The following SPIRE1 variants were observed in gnomAD, a reference collection of about 807,000 sequenced individuals.
SPIRE1 encodes protein spire homolog 1.
In SPIRE1, 40 loss-of-function variants were observed where a neutral mutation model predicts 94.1. The ratio of observed to expected loss-of-function variants is 0.43; its 90% confidence interval spans 0.33 to 0.55. The LOEUF (loss-of-function observed/expected upper bound fraction) is 0.55, where lower values mean the gene tolerates loss of function less well. Ranked by LOEUF, SPIRE1 falls within the 20% of genes least tolerant of loss-of-function variation. SPIRE1 has a pLI of 0.06. For missense variants in SPIRE1, 838 were observed against 975.2 expected (o/e 0.86, Z 1.87); for synonymous variants, 376 against 371.7 (o/e 1.01, Z -0.13).
Position 12,621,134 on chromosome 18 carries a change from A to C in SPIRE1, c.372+13928T>G, listed in dbSNP as rs149133654. 3.9e-4 allele frequency among the ~76,000 whole-genome samples: 60 copies of C among 152,274 alleles called. No individual in the cohort carries two copies. The East Asian group carries it at 0.011, about 28-fold the overall frequency. On this transcript the variant is annotated intron_variant, in intron 2 of 16. Transcript: ENST00000409402. ...CAACAACCACATGAAAATAGGCTCAACATCATTAGCTACCAGGAAGATGTA... is the reference window on the plus strand; with the variant it reads ...CAACAACCACATGAAAATAGGCTCACCATCATTAGCTACCAGGAAGATGTA...
At chr18:12,492,156 G>T (rs1030225632) in intron 8 of SPIRE1, among the ~76,000 whole-genome samples, 6 of 152,084 alleles carry the variant, frequency 3.9e-5, no homozygotes, top group African/African-American at 1.4e-4. Flanking sequence ...CATGGAAGAG[G>T]GTATGGTTGC....
At chr18:12,504,099 G>T (rs2033752554) in intron 6 of SPIRE1, among the ~76,000 whole-genome samples, 2 of 147,502 alleles carry the variant, frequency 1.4e-5, no homozygotes, top group South Asian at 2.1e-4. Flanking sequence ...TTCCTCATCT[G>T]TAAAGTAAAT....
At chr18:12,460,116 C>T (rs918151267) in intron 12 of SPIRE1, among the ~76,000 whole-genome samples, 1 of 152,212 alleles carries the variant, frequency 6.6e-6, no homozygotes, top group Non-Finnish European at 1.5e-5. Flanking sequence ...GATGAAACCA[C>T]GAAGTCCTTC....
intron 8 of SPIRE1, among the ~76,000 whole-genome samples, chr18:12,491,068 A>G (rs1209867689): frequency 6.6e-6 from 1 of 152,098 alleles, no homozygotes; most frequent in African/African-American, 2.4e-5. Flanking sequence ...CAAAAAGACA[A>G]TCCCATTGAC....
Position 12,464,905 on chromosome 18 carries a change from A to G in SPIRE1, c.1458T>C (p.Pro486=). Residue 486 remains proline (P), a synonymous_variant, in exon 11 of 17, where the codon CCT becomes CCC. Coordinates refer to ENST00000409402, the MANE Select transcript of SPIRE1 (RefSeq NM_001128626.2). ...TSSSSVSPSF[P]EEPVLEAVST... is the part of the protein sequence containing the mutation. ...ACACGGCCTCCAGGACTGGCTCTTC[A>G]GGGAAAGAGGGAGACACGCTGCTGC... is the stretch of plus-strand genomic sequence containing the variant. 1 of 1,614,048 alleles carries G rather than the reference A, an allele frequency of 6.2e-7. No homozygotes were observed.
intron 2 of SPIRE1, among the ~76,000 whole-genome samples, chr18:12,553,924 A>G (rs1386519206): frequency 6.6e-6 from 1 of 152,200 alleles, no homozygotes; most frequent in Non-Finnish European, 1.5e-5. Flanking sequence ...AAAGACAAAT[A>G]AAATTGACAA....
chr18:12,617,308 G>A (rs2144719946), intron 2 of SPIRE1, among the ~76,000 whole-genome samples: 2 of 151,788 alleles, frequency 1.3e-5, no homozygotes, highest in East Asian at 3.9e-4. Flanking sequence ...TCCGCCTCCT[G>A]GGTTCAAGCG....
intron 2 of SPIRE1, among the ~76,000 whole-genome samples, chr18:12,574,987 A>G (rs1342061700): frequency 6.6e-6 from 1 of 152,226 alleles, no homozygotes; most frequent in Non-Finnish European, 1.5e-5. Flanking sequence ...GGCAAGGGCA[A>G]TCTGGGTGAG....
chr18:12,624,149 T>A (rs1324616353), intron 2 of SPIRE1, among the ~76,000 whole-genome samples: 1 of 151,630 alleles, frequency 6.6e-6, no homozygotes, highest in Non-Finnish European at 1.5e-5. Context: ...CTCGAACTCC[T>A]GACCTCAGGT....
At chr18:12,654,539 C>T (rs945165909) in intron 1 of SPIRE1, among the ~76,000 whole-genome samples, 2 of 149,456 alleles carry the variant, frequency 1.3e-5, no homozygotes, top group Non-Finnish European at 3.0e-5. Flanking sequence ...CCCAGCTACT[C>T]GGGAGGCTGA....
chr18:12,608,864 T>A (rs1248459970), intron 2 of SPIRE1, among the ~76,000 whole-genome samples: 2 of 151,794 alleles, frequency 1.3e-5, no homozygotes, highest in Non-Finnish European at 2.9e-5. Flanking sequence ...AGGTTAAGAG[T>A]CACAAAGAAG....
chr18:12,621,394 CAT>C (rs781264512), intron 2 of SPIRE1, among the ~76,000 whole-genome samples: 95 of 152,278 alleles, frequency 6.2e-4, no homozygotes, highest in Non-Finnish European at 1.1e-3. Flanking sequence ...AAAATGAAAA[CAT>C]ATGTCCACAC....
chr18:12,491,009 A>C (rs1232645842), intron 8 of SPIRE1, among the ~76,000 whole-genome samples: 1 of 152,190 alleles, frequency 6.6e-6, no homozygotes, highest in East Asian at 1.9e-4. Flanking sequence ...AGATGACATG[A>C]TCTTACAGAT....
intron 10 of SPIRE1, among the ~76,000 whole-genome samples, chr18:12,474,227 A>G (rs1245451739): frequency 6.6e-6 from 1 of 152,134 alleles, no homozygotes; most frequent in Non-Finnish European, 1.5e-5. Flanking sequence ...TGTCTCCTTC[A>G]ATTGTTCTGT....
chr18:12,660,100 T>C (rs2144931969), upstream of SPIRE1, among the ~76,000 whole-genome samples: 1 of 152,238 alleles, frequency 6.6e-6, no homozygotes, highest in Admixed American at 6.5e-5. Context: ...CCAAACACAT[T>C]TTTATCTTTG....
rs1229656401 is a variant in SPIRE1 at position 12,454,423 on chromosome 18, GA to G, written c.1698del (p.Arg567AlafsTer5). 6.2e-7 allele frequency: 1 copy of G among 1,613,852 alleles called. No homozygotes were observed. The highest frequency in any genetic ancestry group is 1.3e-5 in the African/African-American group (1 of 74,906). ...LALTVEEVMH[I>X]RQVLVKAELE... The stretch of plus-strand genomic sequence containing the variant: ...AGCTCTGCCTTCACCAGGACCTGGC[GA>G]ATATGCATCACTTCTTCCACAGTAA... On this transcript the variant is annotated frameshift_variant, in exon 13 of 17. Coordinates refer to ENST00000409402, the MANE Select transcript of SPIRE1 (RefSeq NM_001128626.2). LOFTEE classifies it high-confidence loss of function.
chr18:12,473,663 A>G (rs1036341234), intron 10 of SPIRE1, among the ~76,000 whole-genome samples: 1 of 152,234 alleles, frequency 6.6e-6, no homozygotes, highest in Admixed American at 6.5e-5. Flanking sequence ...AAAACAGTTG[A>G]GTTTGTAATT....
chr18:12,589,007 T>C (rs1030731870), intron 2 of SPIRE1, among the ~76,000 whole-genome samples: 3 of 152,136 alleles, frequency 2.0e-5, no homozygotes, highest in African/African-American at 7.2e-5. Flanking sequence ...TAGTTATTCA[T>C]ACAGATACAT....
chr18:12,546,938 G>T, intron 2 of SPIRE1, 34 bp from the exon 3 acceptor site: 2 of 1,470,010 alleles, frequency 1.4e-6, no homozygotes, highest in Non-Finnish European at 1.9e-6. Flanking sequence ...TAATGGAGAT[G>T]AATGAAGAGC....
Sources: allele counts gnomAD v4.1 joint callset (sites outside exome capture counted in the v4.1 genomes callset), GRCh38; gene constraint gnomAD v4.1.1; transcripts MANE v1.5; gene names NCBI Gene and HGNC (gene_info 2026-07-23, HGNC 2026-07-21).